Variants in ADAR observed in about 807,000 individuals in gnomAD.
The protein encoded by ADAR is adenosine deaminase RNA specific.
In ADAR, 41 loss-of-function variants were observed where a neutral mutation model predicts 113.2. The ratio of observed to expected loss-of-function variants is 0.36; its 90% CI spans 0.28 to 0.47. The LOEUF (loss-of-function observed/expected upper bound fraction) is 0.47. Among genes scored for constraint, ADAR ranks in the 20% least tolerant of loss-of-function variants. The pLI is 1.00. For missense variants in ADAR, 1,242 were observed against 1,540.9 expected (o/e 0.81, Z 3.25); for synonymous variants, 605 against 572.6 (o/e 1.06, Z -0.81).
upstream of ADAR, chr1:154,608,900 T>A (rs1380942674): frequency 1.3e-5 from 2 of 151,740 alleles, no homozygotes; most frequent in African/African-American, 4.8e-5. Context: ...GGGACCTTGT[T>A]AATGCTCCTA....
At position 154,584,966 on chromosome 1, in the gene ADAR, C is replaced by T. The variant is rs866441514; in HGVS notation, c.3521G>A (p.Arg1174His). 22 of 1,614,166 alleles carry T rather than the reference C, an allele frequency of 1.4e-5. No individual in the cohort carries two copies. The highest frequency in any genetic ancestry group is 6.7e-5 in the East Asian group (3 of 44,892). Reference sequence around the variant, plus strand: ...ATAGGAGAGTCTCAGTAGATCCCTGCGGTAACGGAAGGAGCAGAGCTTCTT... The same window carrying T: ...ATAGGAGAGTCTCAGTAGATCCCTGTGGTAACGGAAGGAGCAGAGCTTCTT... ...LFKKLCSFRY[R>H]RDLLRLSYGE... The change falls in exon 15 of 15, where the codon CGC (arginine) becomes CAC (histidine). Residue 1174 changes from arginine to histidine, a missense_variant. Arg to His is a conservative substitution (Grantham distance 29). Coordinates refer to ENST00000368474, the MANE Select transcript of ADAR (RefSeq NM_001111.5).
At chr1:154,593,485 A>G (rs1000177076) in intron 6 of ADAR, among the ~76,000 whole-genome samples, 2 of 152,202 alleles carry the variant, frequency 1.3e-5, no homozygotes, top group Admixed American at 1.3e-4. Context: ...GTAAGTTCTT[A>G]CATTCTCAAT....
intron 10 of ADAR, 82 bp from the exon 11 acceptor site, chr1:154,588,340 G>A: frequency 1.2e-6 from 2 of 1,601,164 alleles, no homozygotes; most frequent in Non-Finnish European, 1.7e-6. Context: ...AGATGTGACA[G>A]AAGCAAGGGA....
rs780614655 is a variant in ADAR, at chr1:154,596,987, A to G, written c.2088T>C (p.Gly696=). 6.2e-7 allele frequency: 1 copy of G among 1,614,008 alleles called. No homozygotes were observed. The stretch of plus-strand genomic sequence containing the variant: ...AGTTATCAAGTGACTCTGAGATCAT[A>G]CCTTCAGGCTAAAGGAGAATCCATC... The part of the protein sequence containing the change: ...NSMASDNQPE[G]MISESLDNLE... Residue 696 remains glycine, a synonymous_variant, in exon 6 of 15, where the codon GGT becomes GGC. Transcript: ENST00000368474.
At chr1:154,590,884 G>A (rs528013875) in intron 6 of ADAR, among the ~76,000 whole-genome samples, 12 of 152,100 alleles carry the variant, frequency 7.9e-5, no homozygotes, top group Admixed American at 5.2e-4. Flanking sequence ...AGCCCTGGAG[G>A]TCAAGGCTGC....
At position 154,588,531 on chromosome 1, in the gene ADAR, G is replaced by C. The variant is rs1453369528; in HGVS notation, c.2885+20C>G. On this transcript the variant is annotated intron_variant, in intron 10 of 14. Coordinates refer to ENST00000368474, the MANE Select transcript of ADAR (RefSeq NM_001111.5). ...CAGCCTGGCAGGGCCCACCCTGGCA[G>C]CAACAGGAACTGTACAGACCTGATA... is the stretch of plus-strand genomic sequence containing the variant. The C allele has an allele frequency of 6.2e-7, 1 of 1,613,134 alleles. No homozygotes were observed. The highest frequency in any genetic ancestry group is 1.7e-5 in the Admixed American group (1 of 60,024).
intron 1 of ADAR, chr1:154,627,818 C>T (rs757239693): frequency 3.9e-5 from 20 of 516,494 alleles, no homozygotes; most frequent in Non-Finnish European, 7.3e-5. Context: ...GCGTTCCAGC[C>T]CAGGCAGGTG....
chr1:154,598,520 A>G lies in ADAR; in HGVS notation c.1667T>C (p.Val556Ala). 6.2e-7 allele frequency: 1 copy of G among 1,614,180 alleles called. No individual in the cohort carries two copies. The highest frequency in any genetic ancestry group is 8.5e-7 in the Non-Finnish European group (1 of 1,180,030). The change falls in exon 3 of 15, where the codon GTG becomes GCG. Residue 556 changes from valine to alanine, a missense_variant. Transcript: ENST00000368474. ...TTTCATAGCTGCATCCTGCTTGGCCACTTTCTTGCTTCCAGCTTCAGCTGG... is the reference window on the plus strand; with the variant it reads ...TTTCATAGCTGCATCCTGCTTGGCCGCTTTCTTGCTTCCAGCTTCAGCTGG... ...FPPAEAGSKK[V>A]AKQDAAMKAM...
chr1:154,610,561 A>T (rs1344437615), upstream of ADAR, among the ~76,000 whole-genome samples: 1 of 152,174 alleles, frequency 6.6e-6, no homozygotes, highest in East Asian at 1.9e-4. Flanking sequence ...CTGTAATCCC[A>T]GCACTTTGGG....
chr1:154,600,857 G>C, intron 2 of ADAR, 184 bp downstream of exon 2: 1 of 827,524 alleles, frequency 1.2e-6, no homozygotes, highest in South Asian at 1.6e-5. Flanking sequence ...CTGGTCCAAG[G>C]TCTATATTCC....
chr1:154,607,213 T>C lies in ADAR; in HGVS notation c.15+779A>G, dbSNP rs531394040. Among the ~76,000 whole-genome samples, 6 of 152,302 alleles carry C rather than the reference T, an allele frequency of 3.9e-5. No homozygotes were observed. The East Asian group carries it at 9.6e-4, about 24-fold the overall frequency. ...GTCATATAAATGGACTCATACAGTATGCAGCCTTTTGAGTCTGGCTTCTCG... is the reference window on the plus strand; with the variant it reads ...GTCATATAAATGGACTCATACAGTACGCAGCCTTTTGAGTCTGGCTTCTCG... On this transcript the variant is annotated intron_variant, in intron 1 of 14. Transcript: ENST00000368474.
intron 11 of ADAR, 67 bp from the exon 12 acceptor site, chr1:154,586,430 T>C (rs1438227137): frequency 2.7e-6 from 4 of 1,503,264 alleles, no homozygotes; most frequent in Middle Eastern, 2.2e-4. Context: ...GCGTGGTTTC[T>C]ATCCTCCTTA....
chr1:154,595,968 G>A (rs1003379447), intron 6 of ADAR, among the ~76,000 whole-genome samples: 1 of 152,104 alleles, frequency 6.6e-6, no homozygotes, highest in Non-Finnish European at 1.5e-5. Context: ...CCAGTGTGTT[G>A]CAGCTGCCCA....
upstream of ADAR, among the ~76,000 whole-genome samples, chr1:154,610,808 C>CAAAAAAAAAAAAAAAAA (rs1369386387): frequency 5.7e-4 from 23 of 40,550 alleles, 1 homozygote; most frequent in East Asian, 2.3e-3. Context: ...GACACCGTCT[C>CAAAAAAAAAAAAAAAAA]AAAAAAAAAA....
Position 154,601,174 on chromosome 1 carries a change from A to G in ADAR, c.1468T>C (p.Cys490Arg). The change falls in exon 2 of 15, where the codon TGT (cysteine) becomes CGT (arginine). Residue 490 changes from cysteine to arginine, a missense_variant. Coordinates refer to ENST00000368474, the MANE Select transcript of ADAR (RefSeq NM_001111.5). The surrounding 1 kb of genome is among the most constrained non-coding windows in gnomAD (Gnocchi z 4.7). ...PSFYSHGLPRCSPYKKLTECQ... is the reference protein window; with the variant it reads ...PSFYSHGLPRRSPYKKLTECQ... ...TCTGTCAGTTTCTTGTAGGGTGAAC[A>G]CCGTGGCAAGCCATGACTGTAGAAG... 3.1e-6 allele frequency: 5 copies of G among 1,614,214 alleles called. No individual in the cohort carries two copies. Among genetic ancestry groups the G allele is most frequent in the Non-Finnish European group, 4.2e-6 (5 of 1,180,032 alleles).
rs1302876896 is a variant in ADAR at position 154,584,527 on chromosome 1, C to T, written c.*279G>A. On this transcript the variant is annotated 3_prime_UTR_variant, in exon 15 of 15. Coordinates refer to ENST00000368474, the MANE Select transcript of ADAR (RefSeq NM_001111.5). The stretch of plus-strand genomic sequence containing the variant: ...TAAGAGGAAATGGACCGCAGGTGCT[C>T]AGTGACTATGTATGCTTTGGGTAGA... The T allele has an allele frequency of 2.3e-6, 1 of 428,280 alleles. No individual in the cohort carries two copies. Among genetic ancestry groups the T allele is most frequent in the Non-Finnish European group, 4.2e-6 (1 of 239,236 alleles). 26.5% of individuals were successfully genotyped at this position (428,280 alleles called of 1,614,324 possible).
rs1196037403 is a variant in ADAR, at chr1:154,582,794, A to T, written c.*2012T>A. Reference sequence around the variant, plus strand: ...GCTGCGCTGCCTTCTGATGCTGAGAACCACAGACCTCTCTGCCCTGGATGT... The same window carrying T: ...GCTGCGCTGCCTTCTGATGCTGAGATCCACAGACCTCTCTGCCCTGGATGT... On this transcript the variant is annotated 3_prime_UTR_variant, in exon 15 of 15. Coordinates refer to ENST00000368474, the MANE Select transcript of ADAR (RefSeq NM_001111.5). 6.6e-6 allele frequency: 1 copy of T among 152,130 alleles called. No individual in the cohort carries two copies. Among genetic ancestry groups the T allele is most frequent in the African/African-American group, 2.4e-5 (1 of 41,408 alleles). The allele number at this position is 152,130 out of a possible 1,614,324, so 9.4% of individuals were successfully genotyped here.
At chr1:154,609,670 A>G (rs1698417266), upstream of ADAR, among the ~76,000 whole-genome samples, 1 of 152,164 alleles carries the variant, frequency 6.6e-6, no homozygotes, top group Non-Finnish European at 1.5e-5. Flanking sequence ...ATGCTTCTCG[A>G]GTTACTGGGC....
At chr1:154,585,641 G>A in intron 13 of ADAR, 112 bp downstream of exon 13, 1 of 1,017,892 alleles carries the variant, frequency 9.8e-7, no homozygotes, top group Non-Finnish European at 1.5e-6. Flanking sequence ...TCCCTTGTGG[G>A]CTACCACTGT....
Sources: allele counts gnomAD v4.1 joint callset (sites outside exome capture counted in the v4.1 genomes callset), GRCh38; gene constraint gnomAD v4.1.1; non-coding constraint Gnocchi (gnomAD v3.1); transcripts MANE v1.5; gene names NCBI Gene and HGNC (gene_info 2026-07-23, HGNC 2026-07-21).